ARHGAP42: variants seen among roughly 807,000 people sequenced by gnomAD.
The protein encoded by ARHGAP42 is Rho GTPase activating protein 42.
ARHGAP42 carries 63 observed loss-of-function variants against 125.0 expected under a neutral mutation model. The ratio of observed to expected loss-of-function variants is 0.50; its 90% CI spans 0.41 to 0.62. ARHGAP42 has a LOEUF of 0.62. Ranked by LOEUF, ARHGAP42 falls within the 20% of genes least tolerant of loss-of-function variation. The probability of loss-of-function intolerance (pLI) is 0.00; values close to 1 mark genes in which losing one functional copy is unlikely to be tolerated. For synonymous variants in ARHGAP42, 339 were observed against 351.0 expected (o/e 0.97, Z 0.38); for missense variants, 766 against 1,024.2 (o/e 0.75, Z 3.44).
rs1858829848 is a variant in ARHGAP42, at chr11:100,991,485, T to C, written c.*2684T>C. 6.6e-6 allele frequency: 1 copy of C among 152,158 alleles called. No homozygotes were observed. Among genetic ancestry groups the C allele is most frequent in the South Asian group, 2.1e-4 (1 of 4,832 alleles). The allele number at this position is 152,158 out of a possible 1,614,324, so 9.4% of individuals were successfully genotyped here. ...CAACCTCTGCACCCTAATAACTGCT[T>C]ACGGTATAATCAGTATGATGATGAG... On this transcript the variant is annotated 3_prime_UTR_variant, in exon 24 of 24. Coordinates refer to ENST00000298815, the MANE Select transcript of ARHGAP42 (RefSeq NM_152432.4).
chr11:100,960,939 G>A lies in ARHGAP42; in HGVS notation c.1250G>A (p.Arg417Gln). 2 of 1,536,644 alleles carry A rather than the reference G, an allele frequency of 1.3e-6. No individual in the cohort carries two copies. The highest frequency in any genetic ancestry group is 8.8e-7 in the Non-Finnish European group (1 of 1,139,888). Residue 417 changes from arginine (R) to glutamine (Q), a missense_variant, in exon 14 of 24, where the codon CGA becomes CAA. Physicochemically the swap from Arg to Gln is conservative, Grantham distance 43. Transcript: ENST00000298815. The stretch of plus-strand genomic sequence containing the variant: ...GGTATCACCATTTTAGGACTCTACC[G>A]AATAGGAGGAGTGAACTCCAAAGTT... Reference protein sequence around the residue: ...TRGITILGLYRIGGVNSKVQK... With the variant: ...TRGITILGLYQIGGVNSKVQK...
intron 1 of ARHGAP42, among the ~76,000 whole-genome samples, chr11:100,705,885 T>C (rs1861475014): frequency 6.6e-6 from 1 of 152,136 alleles, no homozygotes; most frequent in Admixed American, 6.5e-5. Context: ...TTCATATTGA[T>C]GTGAGAGCTG....
intron 17 of ARHGAP42, 106 bp downstream of exon 17, chr11:100,965,882 G>C (rs1446636299): frequency 2.9e-6 from 3 of 1,018,844 alleles, no homozygotes; most frequent in South Asian, 3.3e-5. Context: ...ATTATAATTA[G>C]AGTCCATTGA....
chr11:100,954,655 G>A (rs7933457), intron 12 of ARHGAP42, among the ~76,000 whole-genome samples: 133,989 of 151,916 alleles, frequency 0.88, 59,179 homozygotes, highest in East Asian at 1. Context: ...CTCCTTCTTT[G>A]CCATATAATC....
intron 1 of ARHGAP42, among the ~76,000 whole-genome samples, chr11:100,692,011 A>G (rs1861199975): frequency 7.0e-6 from 1 of 143,360 alleles, no homozygotes; most frequent in African/African-American, 2.5e-5. Context: ...AAAATAAAAA[A>G]AGAAATAAAT....
intron 4 of ARHGAP42, among the ~76,000 whole-genome samples, chr11:100,898,141 G>GTTTACTGGT (rs1866414803): frequency 6.6e-6 from 1 of 152,110 alleles, no homozygotes; most frequent in Non-Finnish European, 1.5e-5. Flanking sequence ...GATGGATTAC[G>GTTTACTGGT]TTTACTGGTT....
At chr11:100,856,209 C>T (rs1865319513) in intron 3 of ARHGAP42, among the ~76,000 whole-genome samples, 1 of 152,018 alleles carries the variant, frequency 6.6e-6, no homozygotes, top group Non-Finnish European at 1.5e-5. Flanking sequence ...TATTTTTTAA[C>T]TTTGCAAGGT....
chr11:100,699,287 C>T (rs769706900), intron 1 of ARHGAP42, among the ~76,000 whole-genome samples: 3 of 151,686 alleles, frequency 2.0e-5, no homozygotes, highest in African/African-American at 7.3e-5. Context: ...TAACCTCATG[C>T]ATCTGGTAAA....
At chr11:100,701,491 C>G (rs1323697164) in intron 1 of ARHGAP42, among the ~76,000 whole-genome samples, 4 of 152,224 alleles carry the variant, frequency 2.6e-5, no homozygotes, top group African/African-American at 7.2e-5. Context: ...CCACCTTCAT[C>G]CATACTCTTA....
intron 3 of ARHGAP42, among the ~76,000 whole-genome samples, chr11:100,815,673 T>A (rs1591204814): frequency 6.6e-6 from 1 of 152,348 alleles, no homozygotes; most frequent in African/African-American, 2.4e-5. Flanking sequence ...TTCCATATAA[T>A]GTACCATCTT....
At chr11:100,909,674 T>G (rs901643556) in intron 4 of ARHGAP42, among the ~76,000 whole-genome samples, 2 of 152,184 alleles carry the variant, frequency 1.3e-5, no homozygotes, top group Non-Finnish European at 2.9e-5. Context: ...CCTTGAAGTC[T>G]TTAACCCATC....
chr11:100,727,781 G>T (rs781180267), intron 1 of ARHGAP42, among the ~76,000 whole-genome samples: 1 of 152,110 alleles, frequency 6.6e-6, no homozygotes, highest in Non-Finnish European at 1.5e-5. Context: ...GTAATAAATC[G>T]ACAGTAGTAC....
chr11:100,918,476 G>T (rs1361186366), intron 5 of ARHGAP42, among the ~76,000 whole-genome samples: 2 of 152,112 alleles, frequency 1.3e-5, no homozygotes, highest in African/African-American at 4.8e-5. Context: ...CTGTTGTTCT[G>T]GCCTAATTAT....
intron 4 of ARHGAP42, among the ~76,000 whole-genome samples, chr11:100,889,093 A>G (rs1017667851): frequency 3.9e-5 from 6 of 152,218 alleles, no homozygotes; most frequent in African/African-American, 1.4e-4. Flanking sequence ...TTTAAGTAGC[A>G]CACTCAGCGT....
At chr11:100,760,199 T>C (rs75085260) in intron 1 of ARHGAP42, among the ~76,000 whole-genome samples, 1 of 152,268 alleles carries the variant, frequency 6.6e-6, no homozygotes, top group East Asian at 1.9e-4. Flanking sequence ...TTGAAGACGT[T>C]TGAAGGTCAC....
intron 12 of ARHGAP42, among the ~76,000 whole-genome samples, chr11:100,951,959 G>T (rs508950): frequency 0.88 from 134,244 of 152,176 alleles, 59,307 homozygotes; most frequent in East Asian, 1. Flanking sequence ...GAGCACAGAT[G>T]TGCTCTTATT....
At chr11:100,724,752 A>G (rs1861825613) in intron 1 of ARHGAP42, among the ~76,000 whole-genome samples, 2 of 150,926 alleles carry the variant, frequency 1.3e-5, no homozygotes, top group African/African-American at 2.4e-5. Context: ...TTTTCAAGGA[A>G]CCAGCTTTTG....
chr11:100,817,052 G>T (rs1316783325), intron 3 of ARHGAP42, among the ~76,000 whole-genome samples: 3 of 152,196 alleles, frequency 2.0e-5, no homozygotes, highest in Non-Finnish European at 2.9e-5. Flanking sequence ...TCAGGCTGTA[G>T]GTGGGGACCT....
intron 8 of ARHGAP42, among the ~76,000 whole-genome samples, chr11:100,940,520 G>A (rs1029591135): frequency 6.6e-5 from 10 of 152,206 alleles, no homozygotes; most frequent in Non-Finnish European, 8.8e-5. Context: ...TGCATTCTAC[G>A]CCCTGATAAA....
Sources: gnomAD v4.1 joint callset for allele counts (sites outside exome capture counted in the v4.1 genomes callset) on GRCh38, gnomAD v4.1.1 for gene constraint, MANE v1.5 for transcripts, NCBI Gene and HGNC (gene_info 2026-07-23, HGNC 2026-07-21) for gene names.